Variants in CTRC observed in about 807,000 individuals in gnomAD.
The protein encoded by CTRC is chymotrypsin C, also known as chymotrypsin-C.
Under a neutral mutation model 35.7 loss-of-function variants are expected in CTRC, and 32 were observed. The observed-to-expected ratio is 0.90, with a 90% CI of 0.68 to 1.20. The LOEUF is 1.20. Among genes scored for constraint, CTRC ranks in the 50% most tolerant of loss-of-function variants. The pLI is 0.00. For missense variants in CTRC, 324 were observed against 361.5 expected, an observed-to-expected ratio of 0.90 and a Z score of 0.84; for synonymous variants, 119 against 149.5, an observed-to-expected ratio of 0.80 and a Z score of 1.49.
chr1:15,445,570 G>A, intron 6 of CTRC, 27 bp from the exon 7 acceptor site: 1 of 1,611,098 alleles, frequency 6.2e-7, no homozygotes, highest in Non-Finnish European at 8.5e-7. Context: ...GGGGCCTGGT[G>A]GCTTATGCCC....
intron 1 of CTRC, 114 bp downstream of exon 1, chr1:15,438,618 G>A: frequency 1.6e-6 from 2 of 1,217,374 alleles, no homozygotes; most frequent in South Asian, 2.4e-5. Context: ...ACACTTTGGG[G>A]TCCCCTGTGG....
In CTRC at chr1:15,440,504, G is replaced by A. The variant is rs1410389781; in HGVS notation, c.144G>A (p.Gln48=). 2.5e-6 allele frequency: 4 copies of A among 1,614,052 alleles called. No homozygotes were observed. The highest frequency in any genetic ancestry group is 2.7e-5 in the African/African-American group (2 of 74,920). Residue 48 remains glutamine (Q), a synonymous_variant, in exon 3 of 8, where the codon CAG becomes CAA. Coordinates refer to ENST00000375949, the MANE Select transcript of CTRC (RefSeq NM_007272.3). ...PHSWPWQISL[Q]YLKNDTWRHT... is the part of the protein sequence containing the mutation. Reference sequence around the variant, plus strand: ...CCACCCTCCTGCAGATCTCCCTCCAGTACCTCAAGAACGACACGTGGAGGC... The same window carrying A: ...CCACCCTCCTGCAGATCTCCCTCCAATACCTCAAGAACGACACGTGGAGGC...
intron 2 of CTRC, 30 bp downstream of exon 2, chr1:15,440,421 A>G: frequency 6.2e-7 from 1 of 1,612,498 alleles, no homozygotes; most frequent in Non-Finnish European, 8.5e-7. Context: ...GGAGGTACAG[A>G]TAGAGAGGGT....
In CTRC at chr1:15,440,536, G is replaced by A. The variant is rs757098417; in HGVS notation, c.176G>A (p.Cys59Tyr). ...AAGAACGACACGTGGAGGCATACGTGTGGCGGGACTTTGATTGCTAGCAAC... is the reference window on the plus strand; with the variant it reads ...AAGAACGACACGTGGAGGCATACGTATGGCGGGACTTTGATTGCTAGCAAC... Reference protein sequence around the residue: ...YLKNDTWRHTCGGTLIASNFV... With the variant: ...YLKNDTWRHTYGGTLIASNFV... Residue 59 changes from cysteine (C) to tyrosine (Y), a missense_variant, in exon 3 of 8, where the codon TGT (cysteine) becomes TAT (tyrosine). Physicochemically the swap from Cys to Tyr is radical, Grantham distance 194. Coordinates refer to ENST00000375949, the MANE Select transcript of CTRC (RefSeq NM_007272.3). 6.2e-7 allele frequency: 1 copy of A among 1,614,246 alleles called. No individual in the cohort carries two copies. Among genetic ancestry groups the A allele is most frequent in the South Asian group, 1.1e-5 (1 of 91,072 alleles).
intron 1 of CTRC, among the ~76,000 whole-genome samples, chr1:15,439,218 G>C (rs1282266447): frequency 1.3e-5 from 2 of 152,022 alleles, no homozygotes; most frequent in African/African-American, 4.8e-5. Context: ...TTGAGATCAG[G>C]AGTTTGAGAC....
chr1:15,446,843 G>C lies in CTRC; in HGVS notation c.*254G>C. ...TCCTGGGGCATTAATGGGAGGCAGG[G>C]GGCTGGGGTGGAGAGCCCAGGGAGT... On this transcript the variant is annotated 3_prime_UTR_variant, in exon 8 of 8. Coordinates refer to ENST00000375949, the MANE Select transcript of CTRC (RefSeq NM_007272.3). 1 of 600,864 alleles carries C rather than the reference G, an allele frequency of 1.7e-6. No homozygotes were observed. Among genetic ancestry groups the C allele is most frequent in the Non-Finnish European group, 3.0e-6 (1 of 335,008 alleles). The allele number at this position is 600,864 out of a possible 1,614,324, so 37.2% of individuals were successfully genotyped here.
In CTRC at chr1:15,445,746, C is replaced by T. The variant is rs762952174; in HGVS notation, c.789C>T (p.Asn263=). The T allele has an allele frequency of 9.3e-6, 15 of 1,614,104 alleles. No individual in the cohort carries two copies. In the East Asian group the frequency reaches 2.0e-4, roughly 22 times the overall value. Residue 263 remains asparagine, a synonymous_variant, in exon 7 of 8, where the codon AAC becomes AAT. Transcript: ENST00000375949. The part of the protein sequence containing the change: ...TRVSAYIDWI[N]EKMQL Reference sequence around the variant, plus strand: ...TGTCCGCCTACATCGACTGGATCAACGAGGTGGGTGCTGCCTCCACAGCTG... The same window carrying T: ...TGTCCGCCTACATCGACTGGATCAATGAGGTGGGTGCTGCCTCCACAGCTG...
chr1:15,439,120 A>T (rs750705728), intron 1 of CTRC, among the ~76,000 whole-genome samples: 33 of 152,072 alleles, frequency 2.2e-4, no homozygotes, highest in Non-Finnish European at 3.8e-4. Flanking sequence ...AATCCTCAAA[A>T]CAACCTTAAG....
intron 1 of CTRC, among the ~76,000 whole-genome samples, chr1:15,439,710 G>A (rs573883417): frequency 6.6e-6 from 1 of 152,164 alleles, no homozygotes; most frequent in Non-Finnish European, 1.5e-5. Flanking sequence ...GGTGTACCGG[G>A]CACTCGCACA....
At chr1:15,445,277 GCT>G (rs1185044248) in intron 6 of CTRC, among the ~76,000 whole-genome samples, 1 of 152,112 alleles carries the variant, frequency 6.6e-6, no homozygotes, top group Non-Finnish European at 1.5e-5. Context: ...CATCCTCACT[GCT>G]CTGAGTAGCT....
Position 15,440,402 on chromosome 1 carries a change from G to A in CTRC, c.132+11G>A. ...AGCTGGCCCTGGCAGGTAAGCCTGTGTAGGGCTGGGAGGTACAGATAGAGA... is the reference window on the plus strand; with the variant it reads ...AGCTGGCCCTGGCAGGTAAGCCTGTATAGGGCTGGGAGGTACAGATAGAGA... On this transcript the variant is annotated intron_variant, in intron 2 of 7. Coordinates refer to ENST00000375949, the MANE Select transcript of CTRC (RefSeq NM_007272.3). The A allele has an allele frequency of 8.7e-6, 14 of 1,612,538 alleles. No individual in the cohort carries two copies. The highest frequency in any genetic ancestry group is 1.1e-5 in the Non-Finnish European group (13 of 1,179,352).
intron 1 of CTRC, among the ~76,000 whole-genome samples, chr1:15,439,294 C>T (rs1023396700): frequency 6.6e-6 from 1 of 151,782 alleles, no homozygotes; most frequent in South Asian, 2.1e-4. Context: ...GGCGTGGTGG[C>T]GGGCACCTGT....
At chr1:15,442,682 A>G (rs1192187415) in intron 4 of CTRC, 110 bp downstream of exon 4, 3 of 1,483,642 alleles carry the variant, frequency 2.0e-6, no homozygotes, top group Non-Finnish European at 1.9e-6. Flanking sequence ...CCCCATCCTC[A>G]CCCTGGAAAG....
At position 15,444,684 on chromosome 1, in the gene CTRC, G is replaced by T. The variant is rs753236329; in HGVS notation, c.572G>T (p.Trp191Leu). The T allele has an allele frequency of 4.3e-6, 7 of 1,614,240 alleles. No homozygotes were observed. The East Asian group carries it at 1.6e-4, about 36-fold the overall frequency. ...CACGCCACGTGCTCCAGGATTGACT[G>T]GTGGGGCTTCAGGGTGAAGAAAACC... ...VDHATCSRID[W>L]WGFRVKKTMV... The change falls in exon 6 of 8, where the codon TGG becomes TTG. Residue 191 changes from tryptophan (W) to leucine (L), a missense_variant. Trp to Leu is a moderately conservative substitution (Grantham distance 61, BLOSUM62 -2). Coordinates refer to ENST00000375949, the MANE Select transcript of CTRC (RefSeq NM_007272.3).
chr1:15,438,972 T>A (rs1708082270), intron 1 of CTRC, among the ~76,000 whole-genome samples: 1 of 152,176 alleles, frequency 6.6e-6, no homozygotes, highest in Admixed American at 6.5e-5. Flanking sequence ...TCTCACTAAC[T>A]TTTTTGGCAA....
At chr1:15,445,525 A>G in intron 6 of CTRC, 72 bp from the exon 7 acceptor site, 1 of 1,543,588 alleles carries the variant, frequency 6.5e-7, no homozygotes. Flanking sequence ...CCCCCACCCC[A>G]ACCCAGTCCT....
At position 15,444,748 on chromosome 1, in the gene CTRC, C is replaced by T; in HGVS notation, c.636C>T (p.Cys212=). The change falls in exon 6 of 8, where the codon TGC becomes TGT. Residue 212 remains cysteine (C), a synonymous_variant. Coordinates refer to ENST00000375949, the MANE Select transcript of CTRC (RefSeq NM_007272.3). ...CAGGDGVISA[C]NGDSGGPLNC... ...GGGGCGATGGCGTCATCTCAGCCTGCAATGTGAGTGGCTAGGTTCTGCACC... is the reference window on the plus strand; with the variant it reads ...GGGGCGATGGCGTCATCTCAGCCTGTAATGTGAGTGGCTAGGTTCTGCACC... 1.2e-6 allele frequency: 2 copies of T among 1,614,184 alleles called. No individual in the cohort carries two copies. The highest frequency in any genetic ancestry group is 1.7e-6 in the Non-Finnish European group (2 of 1,180,024).
intron 4 of CTRC, 148 bp downstream of exon 4, chr1:15,442,720 G>T (rs1708155040): frequency 7.8e-6 from 9 of 1,147,042 alleles, no homozygotes; most frequent in Non-Finnish European, 1.1e-5. Flanking sequence ...TACACAAAAT[G>T]GCAAAATGCT....
At chr1:15,445,852 A>C (rs1708210828) in intron 7 of CTRC, 103 bp downstream of exon 7, 3 of 1,361,182 alleles carry the variant, frequency 2.2e-6, no homozygotes, top group Non-Finnish European at 3.1e-6. Context: ...TCATTCATTC[A>C]TTTATTCACT....
Sources: gnomAD v4.1 joint callset for allele counts (sites outside exome capture counted in the v4.1 genomes callset) on GRCh38, gnomAD v4.1.1 for gene constraint, MANE v1.5 for transcripts, NCBI Gene and HGNC (gene_info 2026-07-23, HGNC 2026-07-21) for gene names.